The following SLC9A9 variants were observed in gnomAD, a reference collection of about 807,000 sequenced individuals.
SLC9A9 encodes the protein solute carrier family 9 member A9, also known as sodium/hydrogen exchanger 9.
A neutral mutation model predicts 77.8 loss-of-function variants in SLC9A9; 62 were observed. The observed-to-expected ratio is 0.80, with a 90% CI of 0.65 to 0.98. The LOEUF is 0.98. Among genes scored for constraint, SLC9A9 ranks in the 50% least tolerant of loss-of-function variants. The pLI is 0.00. For synonymous variants in SLC9A9, 320 were observed against 283.5 expected (o/e 1.13, Z -1.29); for missense variants, 775 against 774.9 (o/e 1.00, Z 0.00).
At chr3:143,677,722 T>C (rs1932928434) in intron 5 of SLC9A9, among the ~76,000 whole-genome samples, 1 of 152,232 alleles carries the variant, frequency 6.6e-6, no homozygotes, top group Non-Finnish European at 1.5e-5. Context: ...TGATATGCTG[T>C]TACTTTAATT....
intron 14 of SLC9A9, among the ~76,000 whole-genome samples, chr3:143,323,597 G>C (rs1215929306): frequency 1.3e-5 from 2 of 152,118 alleles, no homozygotes; most frequent in Non-Finnish European, 2.9e-5. Context: ...GGAAGATGAA[G>C]AGAAGTGACT....
rs1199322305 is a variant in SLC9A9 at position 143,679,666 on chromosome 3, CTG to C, written c.649+13524_649+13525del. Among the ~76,000 whole-genome samples, 4 of 152,156 alleles carry C rather than the reference CTG, an allele frequency of 2.6e-5. No homozygotes were observed. In the East Asian group the frequency reaches 7.7e-4, roughly 29 times the overall value. ...GGATGACGGCAAATGAAAATGATAA[CTG>C]TAGTTTTGAGGCCCTTCTCCAATAC... On this transcript the variant is annotated intron_variant, in intron 5 of 15. Transcript: ENST00000316549.
At chr3:143,769,205 G>A (rs1175369285) in intron 4 of SLC9A9, among the ~76,000 whole-genome samples, 3 of 152,150 alleles carry the variant, frequency 2.0e-5, no homozygotes, top group African/African-American at 7.2e-5. Context: ...CAAAGTAGAT[G>A]CAAATAAAAT....
intron 6 of SLC9A9, among the ~76,000 whole-genome samples, chr3:143,590,100 C>T (rs2037621112): frequency 6.6e-6 from 1 of 152,222 alleles, no homozygotes; most frequent in Non-Finnish European, 1.5e-5. Context: ...TATCCCATAT[C>T]TCCTGGCATT....
chr3:143,745,435 G>C (rs918183582), intron 4 of SLC9A9, among the ~76,000 whole-genome samples: 1 of 152,056 alleles, frequency 6.6e-6, no homozygotes, highest in Non-Finnish European at 1.5e-5. Context: ...TATTTTTTAA[G>C]GTTCATTTTT....
chr3:143,595,953 C>G (rs1374576640), intron 6 of SLC9A9, among the ~76,000 whole-genome samples: 1 of 152,152 alleles, frequency 6.6e-6, no homozygotes, highest in Non-Finnish European at 1.5e-5. Flanking sequence ...AAAATAATCC[C>G]TAGTGGCTGG....
chr3:143,621,706 G>C (rs1272324599), intron 6 of SLC9A9, among the ~76,000 whole-genome samples: 6 of 152,190 alleles, frequency 3.9e-5, no homozygotes, highest in Non-Finnish European at 1.5e-5. Flanking sequence ...AAATCAGAGT[G>C]CCTCTCCTCC....
intron 9 of SLC9A9, among the ~76,000 whole-genome samples, chr3:143,512,998 T>C (rs2036142084): frequency 6.6e-6 from 1 of 152,234 alleles, no homozygotes; most frequent in African/African-American, 2.4e-5. Context: ...TTTTTCCTAG[T>C]GGAGGGTCTT....
At chr3:143,799,453 C>T (rs1416510668) in intron 2 of SLC9A9, among the ~76,000 whole-genome samples, 2 of 152,226 alleles carry the variant, frequency 1.3e-5, no homozygotes, top group African/African-American at 2.4e-5. Flanking sequence ...CTTGCCCCCA[C>T]TGTGAGACAA....
At position 143,795,084 on chromosome 3, in the gene SLC9A9, A is replaced by T. The variant is rs1399821787; in HGVS notation, c.457-7T>A. 4 of 1,610,514 alleles carry T rather than the reference A, an allele frequency of 2.5e-6. No individual in the cohort carries two copies. The East Asian group carries it at 8.9e-5, about 36-fold the overall frequency. On this transcript the variant is annotated splice_polypyrimidine_tract_variant and splice_region_variant and intron_variant, in intron 3 of 15. Coordinates refer to ENST00000316549, the MANE Select transcript of SLC9A9 (RefSeq NM_173653.4). Reference sequence around the variant, plus strand: ...AGTTTTGAAAAAAGTGTCTCTGGGGAGAAAAAAAGATATTTAATAGAGTAC... The same window carrying T: ...AGTTTTGAAAAAAGTGTCTCTGGGGTGAAAAAAAGATATTTAATAGAGTAC...
At chr3:143,726,918 C>T (rs1318880721) in intron 4 of SLC9A9, among the ~76,000 whole-genome samples, 1 of 152,100 alleles carries the variant, frequency 6.6e-6, no homozygotes, top group Admixed American at 6.6e-5. Context: ...TCCAGTGCCC[C>T]TATGACTGAA....
chr3:143,455,792 A>G (rs1227107531), intron 12 of SLC9A9, among the ~76,000 whole-genome samples: 1 of 151,318 alleles, frequency 6.6e-6, no homozygotes, highest in Non-Finnish European at 1.5e-5. Context: ...ACTTATTTCT[A>G]GAAGTTTTTT....
intron 14 of SLC9A9, among the ~76,000 whole-genome samples, chr3:143,271,782 G>A (rs902298526): frequency 8.5e-5 from 13 of 152,270 alleles, no homozygotes; most frequent in African/African-American, 3.1e-4. Flanking sequence ...GCCTGTCCTG[G>A]TATCCAAGTA....
intron 5 of SLC9A9, among the ~76,000 whole-genome samples, chr3:143,685,964 T>G (rs1304561834): frequency 1.3e-5 from 2 of 152,168 alleles, no homozygotes; most frequent in Non-Finnish European, 2.9e-5. Flanking sequence ...ATATCTTCTT[T>G]GGTGGACAGA....
chr3:143,744,893 G>A (rs1479569960), intron 4 of SLC9A9, among the ~76,000 whole-genome samples: 2 of 152,134 alleles, frequency 1.3e-5, no homozygotes, highest in African/African-American at 4.8e-5. Context: ...TTTATCTGAA[G>A]TCTGCCCACT....
intron 4 of SLC9A9, among the ~76,000 whole-genome samples, chr3:143,707,049 A>G (rs1934001202): frequency 6.6e-6 from 1 of 152,174 alleles, no homozygotes. Flanking sequence ...TGTTAGGTGC[A>G]TAAGTGAGTG....
intron 8 of SLC9A9, among the ~76,000 whole-genome samples, chr3:143,568,899 T>C (rs1340946164): frequency 6.6e-6 from 1 of 151,742 alleles, no homozygotes; most frequent in Non-Finnish European, 1.5e-5. Flanking sequence ...AATAACCAGT[T>C]AGAAACTATA....
At chr3:143,433,828 A>T (rs2034571890) in intron 12 of SLC9A9, among the ~76,000 whole-genome samples, 1 of 152,256 alleles carries the variant, frequency 6.6e-6, no homozygotes, top group Admixed American at 6.5e-5. Context: ...ACTGGAAAGT[A>T]AGCTGGAAGG....
intron 14 of SLC9A9, among the ~76,000 whole-genome samples, chr3:143,348,582 G>A (rs1228686257): frequency 1.3e-5 from 2 of 152,160 alleles, no homozygotes; most frequent in African/African-American, 4.8e-5. Flanking sequence ...ATAAAACCAT[G>A]AGTGAATGTA....
Sources: gnomAD v4.1 joint callset for allele counts (sites outside exome capture counted in the v4.1 genomes callset) on GRCh38, gnomAD v4.1.1 for gene constraint, MANE v1.5 for transcripts, NCBI Gene and HGNC (gene_info 2026-07-23, HGNC 2026-07-21) for gene names.